The following TMC1 variants were observed in gnomAD, a reference collection of about 807,000 sequenced individuals.
TMC1 encodes transmembrane channel-like protein 1.
Under a neutral mutation model 105.8 loss-of-function variants are expected in TMC1, and 84 were observed. The observed-to-expected ratio is 0.79, with a 90% CI of 0.67 to 0.95. TMC1 has a LOEUF of 0.95. TMC1 is among the 40% of genes least tolerant of loss of function. The pLI, the probability that TMC1 is intolerant of heterozygous loss-of-function variation, is 0.00. For synonymous variants in TMC1, 315 were observed against 311.5 expected, an observed-to-expected ratio of 1.01 and a Z score of -0.12; for missense variants, 817 against 914.1, an observed-to-expected ratio of 0.89 and a Z score of 1.37.
At chr9:72,542,494 C>T (rs752999513) in intron 1 of TMC1, among the ~76,000 whole-genome samples, 45 of 151,910 alleles carry the variant, frequency 3.0e-4, no homozygotes, top group Non-Finnish European at 5.6e-4. Context: ...GTGGCACACA[C>T]CTGTAATCTC....
intron 10 of TMC1, among the ~76,000 whole-genome samples, chr9:72,743,252 AG>A (rs1449108149): frequency 6.6e-6 from 1 of 150,460 alleles, no homozygotes; most frequent in Non-Finnish European, 1.5e-5. Context: ...CTGTAGTCCC[AG>A]CTACTTGGGA....
At chr9:72,742,688 G>A (rs1040997677) in intron 10 of TMC1, among the ~76,000 whole-genome samples, 163 bp downstream of exon 10, 4 of 152,108 alleles carry the variant, frequency 2.6e-5, no homozygotes, top group East Asian at 3.9e-4. Context: ...GCCTGCTTTC[G>A]TCACTGTGAA....
intron 8 of TMC1, among the ~76,000 whole-genome samples, chr9:72,708,294 A>T (rs1333810891): frequency 6.6e-6 from 1 of 152,044 alleles, no homozygotes; most frequent in Non-Finnish European, 1.5e-5. Context: ...TTCTAGTTCT[A>T]TGAAGAATGA....
intron 17 of TMC1, among the ~76,000 whole-genome samples, chr9:72,794,907 C>CA (rs1366149266): frequency 2.0e-5 from 3 of 152,064 alleles, no homozygotes; most frequent in Non-Finnish European, 2.9e-5. Flanking sequence ...AGCTGAAGGA[C>CA]AAAGTAGCTG....
At chr9:72,750,566 T>G (rs777015340) in intron 10 of TMC1, among the ~76,000 whole-genome samples, 2 of 151,700 alleles carry the variant, frequency 1.3e-5, no homozygotes, top group Non-Finnish European at 2.9e-5. Context: ...TCTCTCCCAA[T>G]GAGAATTAAC....
At chr9:72,576,795 A>T (rs1464029160) in intron 1 of TMC1, among the ~76,000 whole-genome samples, 1 of 151,444 alleles carries the variant, frequency 6.6e-6, no homozygotes, top group East Asian at 1.9e-4. Context: ...CACCCAGCTA[A>T]TTTTTTTGTA....
intron 18 of TMC1, among the ~76,000 whole-genome samples, chr9:72,810,136 T>TAAA (rs36058524): frequency 6.5e-5 from 7 of 108,000 alleles, no homozygotes; most frequent in African/African-American, 1.0e-4. Context: ...AGGCATAGAT[T>TAAA]AAAAAAAAAA....
At chr9:72,662,191 C>CTTTTTTT (rs71359511) in intron 5 of TMC1, among the ~76,000 whole-genome samples, 2 of 141,552 alleles carry the variant, frequency 1.4e-5, no homozygotes, top group Admixed American at 7.1e-5. Context: ...TTTTCTTTTT[C>CTTTTTTT]TTTTTTTTTT....
chr9:72,716,427 G>A (rs1826920699), intron 8 of TMC1, among the ~76,000 whole-genome samples: 1 of 152,184 alleles, frequency 6.6e-6, no homozygotes, highest in Non-Finnish European at 1.5e-5. Flanking sequence ...TCCCTGACTG[G>A]GGCTGCTGGC....
chr9:72,690,592 G>C (rs888274343), intron 6 of TMC1, among the ~76,000 whole-genome samples: 2 of 152,208 alleles, frequency 1.3e-5, no homozygotes, highest in African/African-American at 4.8e-5. Flanking sequence ...CAAACTTGCT[G>C]AGCATAGCTT....
In TMC1 at chr9:72,696,846, A is replaced by T. The variant is rs948193262; in HGVS notation, c.236+2132A>T. 3.9e-5 allele frequency among the ~76,000 whole-genome samples: 6 copies of T among 152,172 alleles called. No homozygotes were observed. In the East Asian group the frequency reaches 1.2e-3, roughly 29 times the overall value. ...AACAACTGTTGTTTAAATATATCAAACTTAAGATAGAAAACCATTCTTGCA... is the reference window on the plus strand; with the variant it reads ...AACAACTGTTGTTTAAATATATCAATCTTAAGATAGAAAACCATTCTTGCA... On this transcript the variant is annotated intron_variant, in intron 7 of 23. Coordinates refer to ENST00000297784, the MANE Select transcript of TMC1 (RefSeq NM_138691.3).
At chr9:72,816,118 C>G in intron 18 of TMC1, 25 bp from the exon 19 acceptor site, 1 of 1,609,336 alleles carries the variant, frequency 6.2e-7, no homozygotes, top group Non-Finnish European at 8.5e-7. Context: ...AGACGCTAAT[C>G]CAATGAACAT....
At chr9:72,668,814 C>T (rs547341147) in intron 5 of TMC1, among the ~76,000 whole-genome samples, 100 of 152,216 alleles carry the variant, frequency 6.6e-4, no homozygotes, top group African/African-American at 2.4e-3. Context: ...ATAATCCAGG[C>T]CTTCTTCATA....
chr9:72,674,804 G>A (rs1042794824), intron 5 of TMC1, among the ~76,000 whole-genome samples: 3 of 152,268 alleles, frequency 2.0e-5, no homozygotes, highest in Non-Finnish European at 2.9e-5. Flanking sequence ...AGAATGAAGA[G>A]GAAAATTGAT....
At chr9:72,681,662 G>A (rs1826288942) in intron 5 of TMC1, among the ~76,000 whole-genome samples, 1 of 151,998 alleles carries the variant, frequency 6.6e-6, no homozygotes, top group African/African-American at 2.4e-5. Context: ...AGGAAAACGT[G>A]CAAAAAAATT....
chr9:72,725,911 C>T (rs574076856), intron 8 of TMC1, among the ~76,000 whole-genome samples: 2 of 152,058 alleles, frequency 1.3e-5, no homozygotes, highest in African/African-American at 4.8e-5. Context: ...AGGATGGTCT[C>T]GATCTCCTGA....
At chr9:72,618,517 G>A (rs1825184858) in intron 3 of TMC1, among the ~76,000 whole-genome samples, 1 of 152,116 alleles carries the variant, frequency 6.6e-6, no homozygotes, top group African/African-American at 2.4e-5. Context: ...ACATACTGAT[G>A]TGACTGTGCA....
intron 2 of TMC1, among the ~76,000 whole-genome samples, chr9:72,608,311 C>A (rs183177551): frequency 1.1e-3 from 171 of 152,310 alleles, no homozygotes; most frequent in African/African-American, 3.9e-3. Context: ...CTGCTTGGAT[C>A]CAGGCACACT....
chr9:72,533,108 C>T (rs930377088), intron 1 of TMC1, among the ~76,000 whole-genome samples: 2 of 152,186 alleles, frequency 1.3e-5, no homozygotes, highest in Non-Finnish European at 2.9e-5. Context: ...CTGACTCTTC[C>T]CTGGCCTTGG....
Sources: gnomAD v4.1 joint callset for allele counts (sites outside exome capture counted in the v4.1 genomes callset) on GRCh38, gnomAD v4.1.1 for gene constraint, MANE v1.5 for transcripts, NCBI Gene and HGNC (gene_info 2026-07-23, HGNC 2026-07-21) for gene names.